The following CLIC5 variants were observed in gnomAD, a reference collection of about 807,000 sequenced individuals.
CLIC5 encodes CLIC family member 5, also known as chloride intracellular channel protein 5.
CLIC5 carries 20 observed loss-of-function variants against 24.7 expected under a neutral mutation model. That is an observed-to-expected ratio of 0.81 (90% confidence interval 0.57 to 1.18). The LOEUF is 1.18. Ranked by LOEUF, CLIC5 falls within the 50% of genes most tolerant of loss-of-function variation. The pLI is 0.00. For missense variants in CLIC5, 341 were observed against 326.1 expected, an observed-to-expected ratio of 1.05 and a Z score of -0.35; for synonymous variants, 159 against 135.6, an observed-to-expected ratio of 1.17 and a Z score of -1.20.
At chr6:45,920,547 G>A (rs1763216073) in intron 4 of CLIC5, 1 of 416,432 alleles carries the variant, frequency 2.4e-6, no homozygotes, top group Non-Finnish European at 3.2e-6. Flanking sequence ...TTTTTGAAGA[G>A]AAAATACAAA....
chr6:45,903,471 T>C (rs929053305), intron 5 of CLIC5, among the ~76,000 whole-genome samples: 8 of 152,202 alleles, frequency 5.3e-5, no homozygotes, highest in African/African-American at 1.9e-4. Context: ...CCCTTTGACC[T>C]AGTGTGTCAA....
intron 1 of CLIC5, among the ~76,000 whole-genome samples, chr6:46,070,736 C>T (rs989704848): frequency 9.2e-5 from 14 of 151,976 alleles, no homozygotes; most frequent in African/African-American, 2.9e-4. Flanking sequence ...TTTAAAAATT[C>T]ATATGAAGCC....
chr6:46,107,864 T>C, the CLIC5 span, among the ~76,000 whole-genome samples: 2 of 151,970 alleles, frequency 1.3e-5, no homozygotes, highest in African/African-American at 4.8e-5. Context: ...GGCAAAACCC[T>C]GTCTCTACTA....
chr6:46,051,110 C>T (rs1363401657), intron 1 of CLIC5, among the ~76,000 whole-genome samples: 1 of 152,140 alleles, frequency 6.6e-6, no homozygotes, highest in African/African-American at 2.4e-5. Context: ...ACTGAACAAC[C>T]CAGTCTTAAA....
At chr6:46,011,492 G>A (rs3777629) in intron 1 of CLIC5, among the ~76,000 whole-genome samples, 55,308 of 152,052 alleles carry the variant, frequency 0.36, 10,639 homozygotes, top group Middle Eastern at 0.54. Context: ...TAATCGGCTT[G>A]GGGAGCAAAC....
chr6:46,042,565 T>C (rs1383481466), intron 1 of CLIC5, among the ~76,000 whole-genome samples: 1 of 152,188 alleles, frequency 6.6e-6, no homozygotes, highest in Non-Finnish European at 1.5e-5. Flanking sequence ...AGTACAGTCA[T>C]GCCTCTGAAA....
At chr6:46,031,186 T>C (rs557539329) in intron 1 of CLIC5, among the ~76,000 whole-genome samples, 5 of 152,244 alleles carry the variant, frequency 3.3e-5, no homozygotes, top group African/African-American at 1.2e-4. Flanking sequence ...GAAGTTCTTA[T>C]GTACTAAATA....
chr6:46,029,306 T>C (rs1767433168), intron 1 of CLIC5, among the ~76,000 whole-genome samples: 1 of 152,180 alleles, frequency 6.6e-6, no homozygotes, highest in Non-Finnish European at 1.5e-5. Context: ...CAGCCAGGCA[T>C]CTTCAAACCA....
chr6:46,100,727 G>A, the CLIC5 span, among the ~76,000 whole-genome samples: 1 of 152,148 alleles, frequency 6.6e-6, no homozygotes, highest in East Asian at 1.9e-4. Flanking sequence ...AATTATAGGG[G>A]CCAAGGGAAA....
At chr6:45,959,731 G>A (rs1294223971) in intron 1 of CLIC5, among the ~76,000 whole-genome samples, 1 of 152,178 alleles carries the variant, frequency 6.6e-6, no homozygotes, top group Admixed American at 6.5e-5. Flanking sequence ...GAGGCAGCTG[G>A]TTCAGCTGGC....
At chr6:45,907,593 G>A (rs1057315142) in intron 5 of CLIC5, among the ~76,000 whole-genome samples, 20 of 152,124 alleles carry the variant, frequency 1.3e-4, no homozygotes, top group African/African-American at 3.9e-4. Context: ...GTTTAAGTAC[G>A]ATTGGTACTG....
intron 1 of CLIC5, among the ~76,000 whole-genome samples, chr6:46,051,839 A>G (rs1477875993): frequency 7.9e-5 from 12 of 152,334 alleles, no homozygotes; most frequent in Admixed American, 4.6e-4. Context: ...AAATAATTCA[A>G]TTTGCCTAAT....
intron 1 of CLIC5, among the ~76,000 whole-genome samples, chr6:45,982,644 A>G (rs750308784): frequency 6.6e-6 from 1 of 152,002 alleles, no homozygotes; most frequent in Non-Finnish European, 1.5e-5. Flanking sequence ...AAAATACAGT[A>G]TTATAATTTT....
At chr6:46,115,668 T>C in the CLIC5 span, among the ~76,000 whole-genome samples, 3 of 152,254 alleles carry the variant, frequency 2.0e-5, no homozygotes, top group Non-Finnish European at 2.9e-5. Flanking sequence ...TGTTTATCTC[T>C]GAAAAATTAT....
At chr6:45,889,682 TC>T (rs1300745550) in intron 6 of CLIC5, among the ~76,000 whole-genome samples, 1 of 152,148 alleles carries the variant, frequency 6.6e-6, no homozygotes, top group East Asian at 1.9e-4. Flanking sequence ...TTTACTGTGT[TC>T]TAGCATCTTT....
the CLIC5 span, among the ~76,000 whole-genome samples, chr6:46,102,008 T>A: frequency 6.8e-6 from 1 of 147,446 alleles, no homozygotes; most frequent in African/African-American, 2.5e-5. Flanking sequence ...GTATGAGGAG[T>A]GAGATAATAG....
intron 4 of CLIC5, among the ~76,000 whole-genome samples, chr6:45,932,170 C>T (rs1288709945): frequency 6.6e-6 from 1 of 152,166 alleles, no homozygotes; most frequent in African/African-American, 2.4e-5. Context: ...AGTGCAGTGG[C>T]ACCATCTCGG....
chr6:46,019,886 G>A (rs1767127981), upstream of CLIC5, among the ~76,000 whole-genome samples: 1 of 151,574 alleles, frequency 6.6e-6, no homozygotes, highest in African/African-American at 2.4e-5. Flanking sequence ...AACCTTAAAT[G>A]CATATATACT....
intron 4 of CLIC5, among the ~76,000 whole-genome samples, chr6:45,939,402 C>T (rs145501617): frequency 1.1e-4 from 16 of 151,398 alleles, no homozygotes; most frequent in Non-Finnish European, 1.9e-4. Context: ...TTAGTGGAGA[C>T]GGGGGTCTCA....
Sources: gnomAD v4.1 joint callset for allele counts (sites outside exome capture counted in the v4.1 genomes callset) on GRCh38, gnomAD v4.1.1 for gene constraint, MANE v1.5 for transcripts, NCBI Gene and HGNC (gene_info 2026-07-23, HGNC 2026-07-21) for gene names.